Variants in PTPN13 observed in about 807,000 individuals in gnomAD.
PTPN13 encodes protein tyrosine phosphatase non-receptor type 13, also known as tyrosine-protein phosphatase non-receptor type 13.
PTPN13 carries 191 observed loss-of-function variants against 284.0 expected under a neutral mutation model. The ratio of observed to expected loss-of-function variants is 0.67; its 90% confidence interval spans 0.60 to 0.76. The LOEUF is 0.76. Among genes scored for constraint, PTPN13 ranks in the 30% least tolerant of loss-of-function variants. PTPN13 has a pLI of 0.00. For synonymous variants in PTPN13, 986 were observed against 1,022.3 expected (o/e 0.96, Z 0.68); for missense variants, 2,797 against 2,939.9 (o/e 0.95, Z 1.12).
At chr4:86,611,463 A>G (rs1578248689) in intron 1 of PTPN13, among the ~76,000 whole-genome samples, 3 of 152,342 alleles carry the variant, frequency 2.0e-5, no homozygotes, top group East Asian at 3.9e-4. Flanking sequence ...AGAAATAAGC[A>G]TAAGTTAGTG....
At position 86,795,860 on chromosome 4, in the gene PTPN13, C is replaced by G. The variant is rs141651590; in HGVS notation, c.6346-1014C>G. 3.9e-5 allele frequency among the ~76,000 whole-genome samples: 6 copies of G among 152,016 alleles called. 1 individual carries two copies. The East Asian group carries it at 1.2e-3, about 29-fold the overall frequency. ...ACAATGAGAACACATGGACACAGGG[C>G]GGGGAATGTCACACACCAGGGCCTT... On this transcript the variant is annotated intron_variant, in intron 40 of 47. Coordinates refer to ENST00000411767, the MANE Select transcript of PTPN13 (RefSeq NM_080683.3).
chr4:86,793,818 C>T (rs1037583138), intron 40 of PTPN13, among the ~76,000 whole-genome samples: 1 of 152,090 alleles, frequency 6.6e-6, no homozygotes, highest in Non-Finnish European at 1.5e-5. Context: ...AGAACAAAGA[C>T]ACAACATACC....
At chr4:86,708,383 G>C (rs925933007) in intron 7 of PTPN13, among the ~76,000 whole-genome samples, 5 of 151,746 alleles carry the variant, frequency 3.3e-5, no homozygotes, top group Non-Finnish European at 7.4e-5. Flanking sequence ...CTCTTCTTTC[G>C]GTTTATCCAA....
chr4:86,689,187 T>C lies in PTPN13; in HGVS notation c.543T>C (p.Ser181=). 1.2e-6 allele frequency: 2 copies of C among 1,610,324 alleles called. No homozygotes were observed. The highest frequency in any genetic ancestry group is 1.7e-6 in the Non-Finnish European group (2 of 1,176,728). Reference sequence around the variant, plus strand: ...TAAAACTGGTTCTGGGAAATCTTTCTGGGGTAAGCTACAGTTACAATAGTA... The same window carrying C: ...TAAAACTGGTTCTGGGAAATCTTTCCGGGGTAAGCTACAGTTACAATAGTA... ...HLVKLVLGNL[S]GTDQLSCNSE... is the part of the protein sequence containing the mutation. Residue 181 remains serine, a synonymous_variant, in exon 5 of 48, where the codon TCT becomes TCC. Transcript: ENST00000411767.
At chr4:86,642,446 C>CTTTTTTTTTTTTTTTT (rs769131305) in intron 2 of PTPN13, among the ~76,000 whole-genome samples, 3 of 63,566 alleles carry the variant, frequency 4.7e-5, no homozygotes, top group African/African-American at 6.0e-5. Context: ...TCTTCTTCTT[C>CTTTTTTTTTTTTTTTT]TTCTTTTTTT....
intron 10 of PTPN13, among the ~76,000 whole-genome samples, chr4:86,723,016 T>C (rs1469012616): frequency 6.6e-6 from 1 of 152,188 alleles, no homozygotes; most frequent in East Asian, 1.9e-4. Context: ...GTTCTTCTAG[T>C]TGATGTATTT....
intron 2 of PTPN13, among the ~76,000 whole-genome samples, chr4:86,671,531 G>A (rs543017348): frequency 1.3e-5 from 2 of 152,208 alleles, no homozygotes; most frequent in East Asian, 1.9e-4. Context: ...TGAGCCTAAT[G>A]TACAGCTTTA....
chr4:86,742,589 A>G (rs1736281395), intron 16 of PTPN13, among the ~76,000 whole-genome samples: 1 of 152,170 alleles, frequency 6.6e-6, no homozygotes, highest in African/African-American at 2.4e-5. Flanking sequence ...GATCTGGATA[A>G]TCTTCAACCC....
intron 2 of PTPN13, among the ~76,000 whole-genome samples, chr4:86,668,773 T>TC (rs1727385793): frequency 6.7e-6 from 1 of 149,076 alleles, no homozygotes; most frequent in African/African-American, 2.5e-5. Context: ...TTTTTTTTTT[T>TC]TTTTTTTTTT....
intron 2 of PTPN13, among the ~76,000 whole-genome samples, chr4:86,661,869 C>T (rs1370426092): frequency 6.6e-6 from 1 of 152,136 alleles, no homozygotes; most frequent in Non-Finnish European, 1.5e-5. Context: ...AATGAAATCA[C>T]TGAGTTTATT....
intron 25 of PTPN13, 36 bp downstream of exon 25, chr4:86,764,760 C>A: frequency 6.4e-7 from 1 of 1,573,984 alleles, no homozygotes; most frequent in Non-Finnish European, 8.6e-7. Context: ...GTTTTCTCTT[C>A]TTTAATTTCC....
intron 2 of PTPN13, among the ~76,000 whole-genome samples, chr4:86,667,127 A>G (rs1727177413): frequency 6.6e-6 from 1 of 152,230 alleles, no homozygotes; most frequent in Non-Finnish European, 1.5e-5. Context: ...CTATATCAGT[A>G]TCTTTCCAAA....
intron 1 of PTPN13, among the ~76,000 whole-genome samples, chr4:86,612,376 A>G (rs1457058593): frequency 6.6e-6 from 1 of 152,198 alleles, no homozygotes; most frequent in Non-Finnish European, 1.5e-5. Flanking sequence ...TTCAAAAGTT[A>G]AGTAGGAATA....
At chr4:86,646,429 C>T (rs971859710) in intron 2 of PTPN13, among the ~76,000 whole-genome samples, 5 of 151,628 alleles carry the variant, frequency 3.3e-5, no homozygotes, top group Non-Finnish European at 4.4e-5. Flanking sequence ...TCTCAAGTAG[C>T]TGGAATCACA....
At chr4:86,676,613 A>G (rs1033175293) in intron 3 of PTPN13, among the ~76,000 whole-genome samples, 1 of 152,242 alleles carries the variant, frequency 6.6e-6, no homozygotes, top group Non-Finnish European at 1.5e-5. Context: ...AAGCAGCCCA[A>G]ATGTTCATTG....
At chr4:86,757,796 A>G (rs1375987533) in intron 20 of PTPN13, among the ~76,000 whole-genome samples, 1 of 151,014 alleles carries the variant, frequency 6.6e-6, no homozygotes, top group Non-Finnish European at 1.5e-5. Context: ...TCCTCTTGCT[A>G]TTTTACTCAA....
chr4:86,640,883 G>T (rs1210039224), intron 2 of PTPN13, among the ~76,000 whole-genome samples: 2 of 152,162 alleles, frequency 1.3e-5, no homozygotes, highest in Non-Finnish European at 2.9e-5. Context: ...TGTCCAGTAG[G>T]AGCTGGTTAG....
At chr4:86,630,233 T>C (rs1433474940) in intron 1 of PTPN13, among the ~76,000 whole-genome samples, 2 of 152,180 alleles carry the variant, frequency 1.3e-5, no homozygotes, top group African/African-American at 4.8e-5. Context: ...TTTTAAAGTA[T>C]TTCTTGTATC....
rs1441399518 is a variant in PTPN13, at chr4:86,774,282, T to C, written c.5350-91T>C. 1.3e-5 allele frequency: 16 copies of C among 1,276,562 alleles called. No individual in the cohort carries two copies. In the East Asian group the frequency reaches 4.1e-4, roughly 33 times the overall value. 79.1% of individuals were successfully genotyped at this position (1,276,562 alleles called of 1,614,324 possible). On this transcript the variant is annotated intron_variant, in intron 32 of 47. Transcript: ENST00000411767. ...TAAGTAACCTTTTAAGGTTTGACTTTCTCCTCTGTTAAGGGAAATGATAGT... is the reference window on the plus strand; with the variant it reads ...TAAGTAACCTTTTAAGGTTTGACTTCCTCCTCTGTTAAGGGAAATGATAGT...
Sources: allele counts gnomAD v4.1 joint callset (sites outside exome capture counted in the v4.1 genomes callset), GRCh38; gene constraint gnomAD v4.1.1; transcripts MANE v1.5; gene names NCBI Gene and HGNC (gene_info 2026-07-23, HGNC 2026-07-21).